TMEFF2: variants seen among roughly 807,000 people sequenced by gnomAD.
TMEFF2 encodes tomoregulin-2.
Under a neutral mutation model 53.8 loss-of-function variants are expected in TMEFF2, and 28 were observed. The observed-to-expected ratio is 0.52, with a 90% CI of 0.39 to 0.71. The LOEUF (loss-of-function observed/expected upper bound fraction) is 0.71. Among genes scored for constraint, TMEFF2 ranks in the 30% least tolerant of loss-of-function variants. The probability of loss-of-function intolerance (pLI) is 0.00; values close to 1 mark genes in which losing one functional copy is unlikely to be tolerated. For missense variants in TMEFF2, 353 were observed against 455.2 expected (o/e 0.78, Z 2.04); for synonymous variants, 162 against 166.3 (o/e 0.97, Z 0.20).
intron 7 of TMEFF2, among the ~76,000 whole-genome samples, chr2:191,983,250 G>A (rs1685897903): frequency 6.6e-6 from 1 of 152,130 alleles, no homozygotes; most frequent in African/African-American, 2.4e-5. Context: ...TTTGCACATT[G>A]ACACTTCTCT....
intron 5 of TMEFF2, among the ~76,000 whole-genome samples, chr2:192,035,789 GC>G (rs1687276364): frequency 6.6e-6 from 1 of 152,106 alleles, no homozygotes; most frequent in Non-Finnish European, 1.5e-5. Context: ...ACTTGGTTCT[GC>G]CTTTTATCAG....
Position 192,184,419 on chromosome 2 carries a change from A to C in TMEFF2, c.347T>G (p.Leu116Arg). ...CTGCTGTTTGCATGCAGCCTGTCGC[A>C]GGTAACACTCATTCTGGTAGCTCTC... ...NGESYQNECY[L>R]RQAACKQQSE... is the part of the protein sequence containing the mutation. The change falls in exon 3 of 10, where the codon CTG (leucine) becomes CGG (arginine). Residue 116 changes from leucine (L) to arginine (R), a missense_variant. Leu to Arg is a moderately radical substitution (Grantham distance 102). Coordinates refer to ENST00000272771, the MANE Select transcript of TMEFF2 (RefSeq NM_016192.4). The C allele has an allele frequency of 6.2e-7, 1 of 1,613,480 alleles. No homozygotes were observed. The highest frequency in any genetic ancestry group is 8.5e-7 in the Non-Finnish European group (1 of 1,179,558).
intron 4 of TMEFF2, among the ~76,000 whole-genome samples, chr2:192,132,088 C>T (rs932331909): frequency 7.9e-5 from 12 of 151,798 alleles, no homozygotes; most frequent in African/African-American, 2.7e-4. Context: ...TCTACAGACC[C>T]ATCTGACCTC....
At chr2:192,099,056 C>T (rs1203998660) in intron 4 of TMEFF2, among the ~76,000 whole-genome samples, 2 of 152,008 alleles carry the variant, frequency 1.3e-5, no homozygotes, top group African/African-American at 2.4e-5. Context: ...AGCCAGGTAC[C>T]ATCATAGGAC....
intron 4 of TMEFF2, among the ~76,000 whole-genome samples, chr2:192,072,861 A>G (rs1057287679): frequency 6.6e-6 from 1 of 151,948 alleles, no homozygotes; most frequent in East Asian, 1.9e-4. Flanking sequence ...CATTTTTTTC[A>G]GGAAAACCAC....
At chr2:192,073,058 T>A (rs1003632243) in intron 4 of TMEFF2, among the ~76,000 whole-genome samples, 3 of 151,950 alleles carry the variant, frequency 2.0e-5, no homozygotes, top group African/African-American at 7.2e-5. Flanking sequence ...TTCCTTTGCC[T>A]AAAAAGGGTT....
rs1208376896 is a variant in TMEFF2 at position 192,194,270 on chromosome 2, C to G, written c.172+83G>C. The G allele has an allele frequency of 5.2e-6, 8 of 1,530,428 alleles. No homozygotes were observed. In the African/African-American group the frequency reaches 8.2e-5, roughly 16 times the overall value. 94.8% of individuals were successfully genotyped at this position (1,530,428 alleles called of 1,614,324 possible). A position where few individuals can be genotyped will look rare whatever the true frequency, so the allele number is the denominator to read the frequency against. ...AGTAGGAGGTGAGGGGCTGAGGAGG[C>G]GCGCTAGGGTAGGCTGGTCTGTGCT... On this transcript the variant is annotated intron_variant, in intron 1 of 9. Coordinates refer to ENST00000272771, the MANE Select transcript of TMEFF2 (RefSeq NM_016192.4). This position sits in a 1 kb window ranked among gnomAD's most constrained non-coding sequence, Gnocchi z 4.2.
chr2:192,075,073 C>A (rs1485933904), intron 4 of TMEFF2, among the ~76,000 whole-genome samples: 1 of 151,236 alleles, frequency 6.6e-6, no homozygotes, highest in East Asian at 2.0e-4. Flanking sequence ...CTCTAAACAT[C>A]TTAATGACGA....
chr2:191,967,060 G>C (rs1444386384), intron 7 of TMEFF2, among the ~76,000 whole-genome samples: 5 of 151,244 alleles, frequency 3.3e-5, no homozygotes, highest in Non-Finnish European at 7.4e-5. Context: ...AAACTGAAAA[G>C]TTCCATAAAA....
chr2:192,087,292 C>T (rs1243193338), intron 4 of TMEFF2, among the ~76,000 whole-genome samples: 1 of 151,936 alleles, frequency 6.6e-6, no homozygotes, highest in Non-Finnish European at 1.5e-5. Context: ...AAAAAACAGC[C>T]TACAATTTAA....
At chr2:192,034,471 T>G (rs1304384111) in intron 5 of TMEFF2, among the ~76,000 whole-genome samples, 1 of 152,172 alleles carries the variant, frequency 6.6e-6, no homozygotes, top group Non-Finnish European at 1.5e-5. Flanking sequence ...AAAATGGATT[T>G]ACCTTTTTTG....
At chr2:191,985,176 T>C (rs1402097472) in intron 7 of TMEFF2, among the ~76,000 whole-genome samples, 1 of 152,092 alleles carries the variant, frequency 6.6e-6, no homozygotes, top group African/African-American at 2.4e-5. Flanking sequence ...CACAAAGGGC[T>C]TTAATATCTG....
chr2:191,963,022 A>G (rs1663521932), intron 7 of TMEFF2, among the ~76,000 whole-genome samples: 1 of 152,206 alleles, frequency 6.6e-6, no homozygotes, highest in Non-Finnish European at 1.5e-5. Flanking sequence ...GGAACTTTAG[A>G]AGTCTTTGAC....
chr2:192,166,053 G>A (rs1460124733), intron 4 of TMEFF2, among the ~76,000 whole-genome samples: 1 of 152,118 alleles, frequency 6.6e-6, no homozygotes, highest in African/African-American at 2.4e-5. Context: ...GAAGGAAAAG[G>A]CACCTGTTTC....
At chr2:192,113,468 AATAG>A (rs201012880) in intron 4 of TMEFF2, among the ~76,000 whole-genome samples, 1,528 of 152,272 alleles carry the variant, frequency 0.01, 14 homozygotes, top group African/African-American at 0.022. Context: ...ACGCAAAGTA[AATAG>A]ATAGATAGAT....
intron 4 of TMEFF2, among the ~76,000 whole-genome samples, chr2:192,070,014 ATATAT>A (rs1275878082): frequency 1.8e-4 from 3 of 16,602 alleles, no homozygotes; most frequent in African/African-American, 5.1e-4. Context: ...ATATATATAT[ATATAT>A]ATATATATAT....
At chr2:192,019,958 G>T (rs1014371586) in intron 5 of TMEFF2, among the ~76,000 whole-genome samples, 5 of 152,058 alleles carry the variant, frequency 3.3e-5, no homozygotes, top group African/African-American at 1.2e-4. Flanking sequence ...TCAGAAATGT[G>T]TCTGAGCAGA....
chr2:191,958,310 C>A (rs1241759634), intron 7 of TMEFF2, among the ~76,000 whole-genome samples: 2 of 152,182 alleles, frequency 1.3e-5, no homozygotes, highest in Admixed American at 1.3e-4. Context: ...TCATTAATAA[C>A]CCCTCAGTGC....
chr2:192,129,446 G>GA (rs1574398718), intron 4 of TMEFF2, among the ~76,000 whole-genome samples: 1 of 151,598 alleles, frequency 6.6e-6, no homozygotes, highest in East Asian at 1.9e-4. Flanking sequence ...GCCATCCAAG[G>GA]AAAAAAGACA....
Sources: gnomAD v4.1 joint callset for allele counts (sites outside exome capture counted in the v4.1 genomes callset) on GRCh38, gnomAD v4.1.1 for gene constraint, Gnocchi (gnomAD v3.1) non-coding constraint, MANE v1.5 for transcripts, NCBI Gene and HGNC (gene_info 2026-07-23, HGNC 2026-07-21) for gene names.